The following DOCK3 variants were observed in gnomAD, a reference collection of about 807,000 sequenced individuals.
DOCK3 encodes dedicator of cytokinesis 3.
A neutral mutation model predicts 265.6 loss-of-function variants in DOCK3; 60 were observed. The observed-to-expected ratio is 0.23, with a 90% CI of 0.18 to 0.28. The LOEUF is 0.28. DOCK3 is among the 10% of genes least tolerant of loss of function. The probability of loss-of-function intolerance (pLI) is 1.00; values close to 1 mark genes in which losing one functional copy is unlikely to be tolerated. For missense variants in DOCK3, 1,981 were observed against 2,594.3 expected, an observed-to-expected ratio of 0.76 and a Z score of 5.14; for synonymous variants, 881 against 938.0, an observed-to-expected ratio of 0.94 and a Z score of 1.11.
intron 1 of DOCK3, among the ~76,000 whole-genome samples, chr3:50,742,031 G>A (rs892115982): frequency 4.6e-5 from 7 of 152,160 alleles, no homozygotes; most frequent in African/African-American, 4.8e-5. Context: ...GCCAGTGATG[G>A]TGAGCATTTT....
chr3:50,728,873 C>G (rs1230300812), intron 1 of DOCK3, among the ~76,000 whole-genome samples: 1 of 144,776 alleles, frequency 6.9e-6, no homozygotes, highest in Non-Finnish European at 1.5e-5. Context: ...CAGGTACCTG[C>G]CACCGCATTG....
chr3:50,965,983 C>A (rs897337822), intron 5 of DOCK3, among the ~76,000 whole-genome samples: 1 of 151,748 alleles, frequency 6.6e-6, no homozygotes, highest in East Asian at 1.9e-4. Context: ...ATTTCCCCAC[C>A]CTGCAGTCCT....
chr3:51,113,505 A>G (rs1357969435), intron 9 of DOCK3, among the ~76,000 whole-genome samples: 5 of 152,170 alleles, frequency 3.3e-5, no homozygotes, highest in Admixed American at 6.5e-5. Context: ...CTTCTCGAAC[A>G]TTAATCCACG....
At chr3:51,227,157 T>C (rs2090363177) in intron 15 of DOCK3, 126 bp from the exon 16 acceptor site, 4 of 984,664 alleles carry the variant, frequency 4.1e-6, no homozygotes, top group Non-Finnish European at 6.1e-6. Flanking sequence ...CATTTTCTTA[T>C]CTCATAGATT....
chr3:50,940,866 A>G (rs2076272654), intron 5 of DOCK3, among the ~76,000 whole-genome samples: 1 of 152,158 alleles, frequency 6.6e-6, no homozygotes, highest in African/African-American at 2.4e-5. Context: ...GAATAGTTGG[A>G]TATTCATAGG....
intron 2 of DOCK3, among the ~76,000 whole-genome samples, chr3:50,827,044 T>G (rs1251009043): frequency 6.6e-6 from 1 of 151,972 alleles, no homozygotes; most frequent in East Asian, 1.9e-4. Flanking sequence ...TAAATGAAAA[T>G]AGACTAATTT....
At position 51,311,923 on chromosome 3, in the gene DOCK3, G is replaced by C; in HGVS notation, c.3018-81G>C. The C allele has an allele frequency of 2.8e-6, 3 of 1,052,922 alleles. No individual in the cohort carries two copies. In the South Asian group the frequency reaches 4.7e-5, roughly 17 times the overall value. 65.2% of individuals were successfully genotyped at this position (1,052,922 alleles called of 1,614,324 possible). A position where few individuals can be genotyped will look rare whatever the true frequency, so the allele number is the denominator to read the frequency against. ...ATTGTACTCAAGAAGTTTGCACACA[G>C]GCTATAGACAGCTGATACCAAGCCA... On this transcript the variant is annotated intron_variant, in intron 28 of 52. Transcript: ENST00000266037.
chr3:51,052,380 G>C (rs972296888), intron 5 of DOCK3, among the ~76,000 whole-genome samples: 5 of 152,112 alleles, frequency 3.3e-5, no homozygotes, highest in Non-Finnish European at 7.4e-5. Context: ...TGCACCTATA[G>C]TCCCAGCTAC....
At chr3:50,972,860 G>T (rs1280360859) in intron 5 of DOCK3, among the ~76,000 whole-genome samples, 1 of 148,532 alleles carries the variant, frequency 6.7e-6, no homozygotes, top group African/African-American at 2.5e-5. Flanking sequence ...CTATAGCTTT[G>T]TTCTCTTTGC....
Position 51,336,975 on chromosome 3 carries a change from TG to T in DOCK3, c.3612-1382del, listed in dbSNP as rs1446530028. ...ATTGTGTGGGTTGCTTGGAACAACT[TG>T]GCCATCTGACCTCAGCCTCACTCCT... On this transcript the variant is annotated intron_variant, in intron 35 of 52. Transcript: ENST00000266037. 1.1e-5 allele frequency: 5 copies of T among 444,420 alleles called. No homozygotes were observed. The Admixed American group carries it at 1.2e-4, about 11-fold the overall frequency. The allele number at this position is 444,420 out of a possible 1,614,324, so 27.5% of individuals were successfully genotyped here. A position where few individuals can be genotyped will look rare whatever the true frequency, so the allele number is the denominator to read the frequency against.
At chr3:50,871,896 ATC>A (rs2047449768) in intron 3 of DOCK3, among the ~76,000 whole-genome samples, 2 of 152,038 alleles carry the variant, frequency 1.3e-5, no homozygotes, top group Non-Finnish European at 2.9e-5. Context: ...AATTATTTCG[ATC>A]TCTTTGCTAA....
intron 4 of DOCK3, among the ~76,000 whole-genome samples, chr3:50,899,383 A>G (rs961898352): frequency 7.2e-5 from 11 of 152,014 alleles, no homozygotes; most frequent in Non-Finnish European, 1.6e-4. Context: ...TGCACCTGAG[A>G]TGGGTCTCCT....
chr3:50,950,661 A>G (rs1307542919), intron 5 of DOCK3, among the ~76,000 whole-genome samples: 1 of 152,030 alleles, frequency 6.6e-6, no homozygotes, highest in Non-Finnish European at 1.5e-5. Context: ...CCTACCTTCT[A>G]GAATTCCAGC....
Position 51,361,750 on chromosome 3 carries a change from A to T in DOCK3, c.5007-109A>T. 1 of 1,434,230 alleles carries T rather than the reference A, an allele frequency of 7.0e-7. No homozygotes were observed. 88.8% of individuals were successfully genotyped at this position (1,434,230 alleles called of 1,614,324 possible). On this transcript the variant is annotated intron_variant, in intron 47 of 52. Coordinates refer to ENST00000266037, the MANE Select transcript of DOCK3 (RefSeq NM_004947.5). The surrounding 1 kb of genome is among the most constrained non-coding windows in gnomAD (Gnocchi z 4.2). ...GAGCATTGACTATGGAACCCTCCAA[A>T]CCGGTGGTAGCTGAAACCAGGGATG... is the stretch of plus-strand genomic sequence containing the variant.
intron 27 of DOCK3, among the ~76,000 whole-genome samples, chr3:51,303,232 G>C (rs1325145048): frequency 6.6e-6 from 1 of 151,900 alleles, no homozygotes; most frequent in Non-Finnish European, 1.5e-5. Context: ...ACACTGTGAA[G>C]TTCTCATGTT....
intron 2 of DOCK3, among the ~76,000 whole-genome samples, chr3:50,785,626 C>G (rs1054800167): frequency 6.6e-6 from 1 of 152,070 alleles, no homozygotes; most frequent in Non-Finnish European, 1.5e-5. Flanking sequence ...ATTGACTTGC[C>G]TATGTTAAAC....
intron 51 of DOCK3, among the ~76,000 whole-genome samples, chr3:51,379,110 C>T (rs551891463): frequency 2.6e-4 from 39 of 152,336 alleles, no homozygotes; most frequent in African/African-American, 8.7e-4. Flanking sequence ...TTCTCTCATT[C>T]TCATCTCTAC....
At chr3:51,172,670 G>C (rs1432509701) in intron 12 of DOCK3, among the ~76,000 whole-genome samples, 2 of 151,794 alleles carry the variant, frequency 1.3e-5, no homozygotes. Flanking sequence ...TGATTTTTTT[G>C]GTAGTTTTAT....
At chr3:51,333,339 C>G in intron 35 of DOCK3, 86 bp downstream of exon 35, 1 of 1,313,638 alleles carries the variant, frequency 7.6e-7, no homozygotes, top group Non-Finnish European at 1.1e-6. Flanking sequence ...AAACTGAGAC[C>G]ATGTGCTCTT....
Sources: allele counts gnomAD v4.1 joint callset (sites outside exome capture counted in the v4.1 genomes callset), GRCh38; gene constraint gnomAD v4.1.1; non-coding constraint Gnocchi (gnomAD v3.1); transcripts MANE v1.5; gene names NCBI Gene and HGNC (gene_info 2026-07-23, HGNC 2026-07-21).